MYO16: variants seen among roughly 807,000 people sequenced by gnomAD.
The protein encoded by MYO16 is unconventional myosin-XVI.
Under a neutral mutation model 205.3 loss-of-function variants are expected in MYO16, and 94 were observed. The ratio of observed to expected loss-of-function variants is 0.46; its 90% confidence interval spans 0.39 to 0.54. The LOEUF (loss-of-function observed/expected upper bound fraction) is 0.54, where lower values mean the gene tolerates loss of function less well. Among genes scored for constraint, MYO16 ranks in the 20% least tolerant of loss-of-function variants. The pLI, the probability that MYO16 is intolerant of heterozygous loss-of-function variation, is 0.00. For synonymous variants in MYO16, 988 were observed against 954.0 expected (o/e 1.04, Z -0.66); for missense variants, 2,315 against 2,387.5 (o/e 0.97, Z 0.63).
At position 108,832,171 on chromosome 13, in the gene MYO16, C is replaced by G. The variant is rs187258707; in HGVS notation, c.1097+8893C>G. 3.3e-3 allele frequency among the ~76,000 whole-genome samples: 431 copies of G among 130,864 alleles called. 2 individuals carry two copies. The highest frequency in any genetic ancestry group is 0.026 in the South Asian group (109 of 4,120). The allele number at this position is 130,864 out of a possible 152,430, so 85.9% of individuals were successfully genotyped here. A position where few individuals can be genotyped will look rare whatever the true frequency, so the allele number is the denominator to read the frequency against. On this transcript the variant is annotated intron_variant, in intron 9 of 34. Transcript: ENST00000457511. ...TTTTTTTTTTTTTTTGAGACAGAGTCTCGCTCTATCGCCCAGGCTGGAGGG... is the reference window on the plus strand; with the variant it reads ...TTTTTTTTTTTTTTTGAGACAGAGTGTCGCTCTATCGCCCAGGCTGGAGGG...
chr13:108,755,989 A>T (rs779236736), intron 4 of MYO16, among the ~76,000 whole-genome samples: 61 of 152,188 alleles, frequency 4.0e-4, no homozygotes, highest in Non-Finnish European at 7.8e-4. Flanking sequence ...AAAACTTAGC[A>T]TTATAGTCAC....
chr13:108,633,192 G>A (rs1325630951), intron 1 of MYO16, among the ~76,000 whole-genome samples: 2 of 152,106 alleles, frequency 1.3e-5, no homozygotes, highest in Non-Finnish European at 2.9e-5. Context: ...ATTAGTCAGG[G>A]CTTTCTTGAG....
At chr13:108,500,195 C>T in the MYO16 span, among the ~76,000 whole-genome samples, 4 of 141,594 alleles carry the variant, frequency 2.8e-5, no homozygotes, top group East Asian at 2.1e-4. Context: ...CTGTTATTCC[C>T]GTTGATTCCT....
chr13:109,141,835 T>A lies in MYO16; in HGVS notation c.5164+459T>A, dbSNP rs191759166. Reference sequence around the variant, plus strand: ...ATCCATCTAGCTTTGCCTGGCGGTGTCTGGGATGTTGACCTAGCCAGTTAC... The same window carrying A: ...ATCCATCTAGCTTTGCCTGGCGGTGACTGGGATGTTGACCTAGCCAGTTAC... On this transcript the variant is annotated intron_variant, in intron 32 of 34. Transcript: ENST00000457511. This position sits in a 1 kb window ranked among gnomAD's most constrained non-coding sequence, Gnocchi z 4.1. Among the ~76,000 whole-genome samples, 1 of 152,196 alleles carries A rather than the reference T, an allele frequency of 6.6e-6. No homozygotes were observed.
chr13:109,117,474 A>G (rs542385525), intron 28 of MYO16, among the ~76,000 whole-genome samples: 227 of 148,090 alleles, frequency 1.5e-3, no homozygotes, highest in African/African-American at 5.4e-3. Context: ...GTATATATGT[A>G]TGTATATGTA....
chr13:108,566,628 T>TAAGA, the MYO16 span, among the ~76,000 whole-genome samples: 2 of 146,228 alleles, frequency 1.4e-5, no homozygotes, highest in Non-Finnish European at 3.0e-5. Flanking sequence ...TGAGACTGTG[T>TAAGA]AAGAAAGAAA....
chr13:109,006,664 T>G (rs2139474425), intron 21 of MYO16, among the ~76,000 whole-genome samples: 1 of 152,356 alleles, frequency 6.6e-6, no homozygotes, highest in South Asian at 2.1e-4. Flanking sequence ...TTTCAAATGT[T>G]TTATCAATTG....
chr13:108,960,148 G>A (rs1256918046), intron 17 of MYO16, among the ~76,000 whole-genome samples: 1 of 150,948 alleles, frequency 6.6e-6, no homozygotes, highest in Non-Finnish European at 1.5e-5. Context: ...ACTATTTTTT[G>A]CCTGTAGTCC....
rs561202446 is a variant in MYO16, at chr13:108,616,484, A to G, written c.-39+20245A>G. 4.6e-5 allele frequency among the ~76,000 whole-genome samples: 7 copies of G among 152,114 alleles called. No homozygotes were observed. In the Middle Eastern group the frequency reaches 0.01, roughly 222 times the overall value. On this transcript the variant is annotated intron_variant, in intron 1 of 24. Transcript: ENST00000251041. ...TCTTTTAGCTCTTCCTCGGCCGTTT[A>G]GTGATGGGTCATATGATGATGACTT...
At position 108,820,445 on chromosome 13, in the gene MYO16, G is replaced by A. The variant is rs558038490; in HGVS notation, c.943+33G>A. 19 of 1,540,464 alleles carry A rather than the reference G, an allele frequency of 1.2e-5. No individual in the cohort carries two copies. In the African/African-American group the frequency reaches 1.5e-4, roughly 12 times the overall value. ...AGGAGCATCCTTGGACCATTGAGCA[G>A]GTACTGTTTTCTTCCTTTCATATTG... is the stretch of plus-strand genomic sequence containing the variant. On this transcript the variant is annotated intron_variant, in intron 8 of 34. Coordinates refer to ENST00000457511, the MANE Select transcript of MYO16 (RefSeq NM_001198950.3).
At chr13:109,103,534 C>T (rs987915665) in intron 28 of MYO16, among the ~76,000 whole-genome samples, 6 of 152,206 alleles carry the variant, frequency 3.9e-5, no homozygotes, top group Admixed American at 2.0e-4. Context: ...AAGTGGTATA[C>T]AGTGTTAGCT....
chr13:108,626,675 G>A (rs183140003), upstream of MYO16, among the ~76,000 whole-genome samples: 367 of 151,852 alleles, frequency 2.4e-3, 3 homozygotes, highest in African/African-American at 8.3e-3. Flanking sequence ...ATGGTAGTGG[G>A]TGCCTGTAAT....
At chr13:108,995,932 A>G (rs935220402) in intron 21 of MYO16, among the ~76,000 whole-genome samples, 8 of 152,196 alleles carry the variant, frequency 5.3e-5, no homozygotes, top group Non-Finnish European at 1.0e-4. Flanking sequence ...TCAGGAAGCA[A>G]CAGGTGCTGG....
chr13:108,941,934 A>G (rs1882747216), intron 16 of MYO16, among the ~76,000 whole-genome samples: 1 of 152,216 alleles, frequency 6.6e-6, no homozygotes, highest in South Asian at 2.1e-4. Context: ...CTTGACTCAA[A>G]GCAAATTTTG....
chr13:108,830,668 A>ACAC (rs1283373624), intron 9 of MYO16, among the ~76,000 whole-genome samples: 5 of 148,148 alleles, frequency 3.4e-5, no homozygotes, highest in Non-Finnish European at 6.0e-5. Context: ...CTAGATGACG[A>ACAC]GTTAGTGGGT....
At chr13:108,953,103 A>C (rs1247113010) in intron 16 of MYO16, among the ~76,000 whole-genome samples, 1 of 152,190 alleles carries the variant, frequency 6.6e-6, no homozygotes, top group Admixed American at 6.5e-5. Context: ...AAAAAACAAA[A>C]AAAGTCTGGG....
chr13:109,022,890 A>G (rs1886135501), intron 23 of MYO16, among the ~76,000 whole-genome samples: 2 of 135,990 alleles, frequency 1.5e-5, no homozygotes, highest in Admixed American at 1.6e-4. Context: ...TTTATTATAT[A>G]TACACATGTA....
chr13:108,960,284 A>AG, intron 17 of MYO16, among the ~76,000 whole-genome samples: 1 of 151,816 alleles, frequency 6.6e-6, no homozygotes, highest in African/African-American at 2.4e-5. Flanking sequence ...CAAAAAAAAA[A>AG]AAAAAGGAAA....
In MYO16 at chr13:109,157,137, A is replaced by G. The variant is rs749929228; in HGVS notation, c.5165-7764A>G. Among the ~76,000 whole-genome samples, 26 of 125,108 alleles carry G rather than the reference A, an allele frequency of 2.1e-4. 1 individual carries two copies. Among genetic ancestry groups the G allele is most frequent in the Admixed American group, 2.7e-4 (3 of 11,010 alleles). The allele number at this position is 125,108 out of a possible 152,430, so 82.1% of individuals were successfully genotyped here. A position where few individuals can be genotyped will look rare whatever the true frequency, so the allele number is the denominator to read the frequency against. The stretch of plus-strand genomic sequence containing the variant: ...GAACTCAGCTTCCTCCTGCCTTTCC[A>G]CTCCTCCTTCTGCTTCCCCAGCCTC... On this transcript the variant is annotated intron_variant, in intron 32 of 34. Transcript: ENST00000457511.
Sources: gnomAD v4.1 joint callset for allele counts (sites outside exome capture counted in the v4.1 genomes callset) on GRCh38, gnomAD v4.1.1 for gene constraint, Gnocchi (gnomAD v3.1) non-coding constraint, MANE v1.5 for transcripts, NCBI Gene and HGNC (gene_info 2026-07-23, HGNC 2026-07-21) for gene names.